RBL1: variants seen among roughly 807,000 people sequenced by gnomAD.
The protein encoded by RBL1 is RB transcriptional corepressor like 1.
In RBL1, 82 loss-of-function variants were observed where a neutral mutation model predicts 123.0. That is an observed-to-expected ratio of 0.67 (90% CI 0.56 to 0.80). RBL1 has a LOEUF of 0.80. Among genes scored for constraint, RBL1 ranks in the 30% least tolerant of loss-of-function variants. RBL1 has a pLI of 0.00. For missense variants in RBL1, 1,171 were observed against 1,299.6 expected, an observed-to-expected ratio of 0.90 and a Z score of 1.52; for synonymous variants, 405 against 441.3, an observed-to-expected ratio of 0.92 and a Z score of 1.03.
rs755729386 is a variant in RBL1 at position 37,020,639 on chromosome 20, G to A, written c.2631+20C>T. On this transcript the variant is annotated intron_variant, in intron 18 of 21. Coordinates refer to ENST00000373664, the MANE Select transcript of RBL1 (RefSeq NM_002895.5). ...AGAGTAAATCTATTTTTGGACAGTA[G>A]GAAAAATAATGTAACTCACGTGACT... The A allele has an allele frequency of 6.6e-7, 1 of 1,508,616 alleles. No individual in the cohort carries two copies. The highest frequency in any genetic ancestry group is 9.0e-7 in the Non-Finnish European group (1 of 1,108,266). 93.5% of individuals were successfully genotyped at this position (1,508,616 alleles called of 1,614,324 possible). A position where few individuals can be genotyped will look rare whatever the true frequency, so the allele number is the denominator to read the frequency against.
intron 18 of RBL1, among the ~76,000 whole-genome samples, chr20:37,019,753 A>C (rs572883119): frequency 3.3e-5 from 5 of 152,204 alleles, no homozygotes; most frequent in Non-Finnish European, 7.3e-5. Context: ...AGAGCAGAGC[A>C]ACTAGGTTCT....
chr20:36,997,515 G>A lies in RBL1; in HGVS notation c.*1244C>T, dbSNP rs1024702923. 4 of 150,816 alleles carry A rather than the reference G, an allele frequency of 2.7e-5. No homozygotes were observed. The highest frequency in any genetic ancestry group is 5.9e-5 in the Non-Finnish European group (4 of 68,026). The allele number at this position is 150,816 out of a possible 1,614,324, so 9.3% of individuals were successfully genotyped here. A position where few individuals can be genotyped will look rare whatever the true frequency, so the allele number is the denominator to read the frequency against. ...TGTATTAAATATATTAGAATTATGA[G>A]GCATGAGATGATATTTATGTGATTT... On this transcript the variant is annotated 3_prime_UTR_variant, in exon 22 of 22. Coordinates refer to ENST00000373664, the MANE Select transcript of RBL1 (RefSeq NM_002895.5).
intron 19 of RBL1, among the ~76,000 whole-genome samples, chr20:37,012,167 C>G (rs2064160938): frequency 6.6e-6 from 1 of 152,252 alleles, no homozygotes. Flanking sequence ...ACTCAGTGCT[C>G]AATGGTGCCC....
At chr20:37,015,472 C>T (rs1475484083) in intron 19 of RBL1, among the ~76,000 whole-genome samples, 1 of 151,864 alleles carries the variant, frequency 6.6e-6, no homozygotes, top group Non-Finnish European at 1.5e-5. Flanking sequence ...ACTCTGTCGC[C>T]CAGGGTAGAG....
chr20:37,054,114 T>G (rs1223567171), intron 11 of RBL1, among the ~76,000 whole-genome samples: 4 of 152,000 alleles, frequency 2.6e-5, no homozygotes, highest in Non-Finnish European at 4.4e-5. Flanking sequence ...TTGTAACCAT[T>G]AGGGAAACTG....
chr20:37,080,695 T>C (rs544945950), intron 2 of RBL1, among the ~76,000 whole-genome samples: 2 of 152,052 alleles, frequency 1.3e-5, no homozygotes, highest in African/African-American at 2.4e-5. Flanking sequence ...CTGACCTCAA[T>C]AGATCCACCC....
At chr20:37,033,407 T>C (rs1481797226) in intron 15 of RBL1, among the ~76,000 whole-genome samples, 1 of 151,576 alleles carries the variant, frequency 6.6e-6, no homozygotes, top group Non-Finnish European at 1.5e-5. Context: ...ATGGTCTCGA[T>C]CTCCTGACCT....
At chr20:37,088,376 G>T (rs1313493600) in intron 2 of RBL1, among the ~76,000 whole-genome samples, 3 of 151,942 alleles carry the variant, frequency 2.0e-5, no homozygotes, top group African/African-American at 7.3e-5. Context: ...CTGAGTCAAG[G>T]GTATATGGGT....
rs548240413 is a variant in RBL1 at position 37,037,228 on chromosome 20, C to T, written c.1904-1720G>A. 6.6e-5 allele frequency among the ~76,000 whole-genome samples: 10 copies of T among 152,268 alleles called. No individual in the cohort carries two copies. In the South Asian group the frequency reaches 1.0e-3, roughly 16 times the overall value. ...AAAGGTGACATTTCAAGGCAAGACT[C>T]GAGTTGAAGCCATAAAGTTAGCTGC... is the stretch of plus-strand genomic sequence containing the variant. On this transcript the variant is annotated intron_variant, in intron 14 of 21. Transcript: ENST00000373664.
chr20:37,073,705 G>GAAAAAAAAAAAAAAAAAAAAAAAAAAAAA (rs796752326), intron 2 of RBL1, among the ~76,000 whole-genome samples: 1 of 103,142 alleles, frequency 9.7e-6, no homozygotes. Flanking sequence ...CTCAAAAAAA[G>GAAAAAAAAAAAAAAAAAAAAAAAAAAAAA]AAAAAAAAAA....
At chr20:37,022,853 CA>C (rs1408534658) in intron 16 of RBL1, 27 bp from the exon 17 acceptor site, 2 of 1,539,216 alleles carry the variant, frequency 1.3e-6, no homozygotes, top group African/African-American at 2.7e-5. Context: ...CACATTGATG[CA>C]AAACACCAAG....
At chr20:37,027,577 A>G (rs912432751) in intron 16 of RBL1, among the ~76,000 whole-genome samples, 2 of 152,196 alleles carry the variant, frequency 1.3e-5, no homozygotes, top group African/African-American at 4.8e-5. Flanking sequence ...TCTGATTAAC[A>G]TGTCTATCTT....
chr20:37,010,760 A>ATATG lies in RBL1; in HGVS notation c.2723-3202_2723-3201insCATA, dbSNP rs1555848003. Among the ~76,000 whole-genome samples, 301 of 143,062 alleles carry ATATG rather than the reference A, an allele frequency of 2.1e-3. 1 individual carries two copies. The highest frequency in any genetic ancestry group is 0.011 in the South Asian group (53 of 4,646). 93.9% of individuals were successfully genotyped at this position (143,062 alleles called of 152,430 possible). The stretch of plus-strand genomic sequence containing the variant: ...AAACATCATTATATGGCACATGACT[A>ATATG]TGTGTGTGTGTGTGTGTGTGTGTGT... On this transcript the variant is annotated intron_variant, in intron 19 of 21. Transcript: ENST00000373664.
chr20:37,065,629 C>A (rs560302552), intron 6 of RBL1, among the ~76,000 whole-genome samples, 156 bp from the exon 7 acceptor site: 2 of 151,528 alleles, frequency 1.3e-5, no homozygotes, highest in Admixed American at 1.3e-4. Flanking sequence ...ATTTAGCATG[C>A]AAATAACTTT....
Position 37,001,371 on chromosome 20 carries a change from T to C in RBL1, c.3036+2331A>G, listed in dbSNP as rs1050276364. Among the ~76,000 whole-genome samples the C allele has an allele frequency of 3.3e-5, 5 of 151,104 alleles. No individual in the cohort carries two copies. In the South Asian group the frequency reaches 1.0e-3, roughly 32 times the overall value. On this transcript the variant is annotated intron_variant, in intron 21 of 21. Transcript: ENST00000373664. The stretch of plus-strand genomic sequence containing the variant: ...AAATCGGATGGTTGCCATGTCTGTG[T>C]AGAAAGAGGTAGACATGGGAGACTT...
At chr20:37,053,669 A>C (rs2064957046) in intron 11 of RBL1, among the ~76,000 whole-genome samples, 1 of 152,192 alleles carries the variant, frequency 6.6e-6, no homozygotes. Flanking sequence ...TGCCAAAAGA[A>C]CTTAAACTCC....
chr20:37,060,095 C>G (rs1433944490), intron 9 of RBL1, among the ~76,000 whole-genome samples: 1 of 151,942 alleles, frequency 6.6e-6, no homozygotes, highest in African/African-American at 2.4e-5. Context: ...TCACTTGGAC[C>G]TGGGAGGTGG....
At chr20:37,076,894 T>A (rs2146318818) in intron 2 of RBL1, among the ~76,000 whole-genome samples, 1 of 152,206 alleles carries the variant, frequency 6.6e-6, no homozygotes, top group African/African-American at 2.4e-5. Context: ...AAGTCCTTTA[T>A]ACCCTTTACC....
intron 2 of RBL1, among the ~76,000 whole-genome samples, chr20:37,073,705 G>GAAA (rs796752326): frequency 9.7e-5 from 10 of 103,138 alleles, no homozygotes; most frequent in Admixed American, 9.3e-4. Flanking sequence ...CTCAAAAAAA[G>GAAA]AAAAAAAAAA....
Sources: allele counts gnomAD v4.1 joint callset (sites outside exome capture counted in the v4.1 genomes callset), GRCh38; gene constraint gnomAD v4.1.1; transcripts MANE v1.5; gene names NCBI Gene and HGNC (gene_info 2026-07-23, HGNC 2026-07-21).